Variants in RAD51C observed in about 807,000 individuals in gnomAD.
The protein encoded by RAD51C is RAD51 paralog C.
A neutral mutation model predicts 45.0 loss-of-function variants in RAD51C; 42 were observed. The ratio of observed to expected loss-of-function variants is 0.93; its 90% CI spans 0.73 to 1.21. The LOEUF is 1.21. RAD51C is among the 50% of genes most tolerant of loss of function. The pLI, the probability that RAD51C is intolerant of heterozygous loss-of-function variation, is 0.00. For synonymous variants in RAD51C, 172 were observed against 159.8 expected, an observed-to-expected ratio of 1.08 and a Z score of -0.58; for missense variants, 474 against 452.2, an observed-to-expected ratio of 1.05 and a Z score of -0.44.
chr17:58,704,959 G>A (rs958419676), intron 4 of RAD51C, among the ~76,000 whole-genome samples: 8 of 150,202 alleles, frequency 5.3e-5, no homozygotes, highest in Middle Eastern at 3.2e-3. Flanking sequence ...GCAAAACCCC[G>A]TCTCTACCTA....
chr17:58,702,077 C>A (rs980534965), intron 3 of RAD51C, among the ~76,000 whole-genome samples: 2 of 151,328 alleles, frequency 1.3e-5, no homozygotes, highest in Non-Finnish European at 2.9e-5. Flanking sequence ...CTTACTGCAG[C>A]CTTGACCTCC....
rs138886489 is a variant in RAD51C at position 58,729,218 on chromosome 17, T to G, written c.966-3266T>G. On this transcript the variant is annotated intron_variant, in intron 7 of 8. Coordinates refer to ENST00000337432, the MANE Select transcript of RAD51C (RefSeq NM_058216.3). Reference sequence around the variant, plus strand: ...AAATTTGAGGATGATTTTTTTGTTTTGTTTGGTTTTGTTTTTGAGATGGAG... The same window carrying G: ...AAATTTGAGGATGATTTTTTTGTTTGGTTTGGTTTTGTTTTTGAGATGGAG... Among the ~76,000 whole-genome samples the G allele has an allele frequency of 5.8e-3, 879 of 152,268 alleles. 5 individuals are homozygous for G. The highest frequency in any genetic ancestry group is 9.2e-3 in the African/African-American group (383 of 41,552).
intron 3 of RAD51C, among the ~76,000 whole-genome samples, chr17:58,702,537 AC>A (rs1375899053): frequency 6.6e-6 from 1 of 152,002 alleles, no homozygotes; most frequent in Admixed American, 6.6e-5. Context: ...TACTAAAAAT[AC>A]AAAAATTAGC....
At chr17:58,729,147 A>G (rs550803785) in intron 7 of RAD51C, among the ~76,000 whole-genome samples, 2 of 152,364 alleles carry the variant, frequency 1.3e-5, no homozygotes, top group South Asian at 4.1e-4. Context: ...TCATTTTAAA[A>G]GATCTCTGAA....
At chr17:58,692,904 G>T in intron 1 of RAD51C, 116 bp downstream of exon 1, 1 of 1,482,578 alleles carries the variant, frequency 6.7e-7, no homozygotes, top group Non-Finnish European at 9.3e-7. Context: ...TTCCTCCCAC[G>T]TCCATGTTTA....
At chr17:58,722,031 T>C (rs937684595) in intron 6 of RAD51C, among the ~76,000 whole-genome samples, 1 of 152,136 alleles carries the variant, frequency 6.6e-6, no homozygotes, top group Non-Finnish European at 1.5e-5. Flanking sequence ...TCAGGGGTAA[T>C]CAAACTCAGC....
intron 7 of RAD51C, among the ~76,000 whole-genome samples, chr17:58,729,852 T>C (rs1164180371): frequency 2.0e-5 from 3 of 152,054 alleles, no homozygotes; most frequent in African/African-American, 7.2e-5. Context: ...ATTATAGACA[T>C]GAGCCACTGT....
chr17:58,705,565 C>T (rs1223428424), intron 4 of RAD51C, among the ~76,000 whole-genome samples: 1 of 152,134 alleles, frequency 6.6e-6, no homozygotes, highest in Non-Finnish European at 1.5e-5. Context: ...ATCTCCTGAT[C>T]TTGTGATCCG....
At chr17:58,720,927 A>G in intron 6 of RAD51C, 115 bp downstream of exon 6, 1 of 866,288 alleles carries the variant, frequency 1.2e-6, no homozygotes. Context: ...TGTCTTGTTC[A>G]CTGGTTAATC....
intron 7 of RAD51C, among the ~76,000 whole-genome samples, chr17:58,730,634 GT>G: frequency 6.6e-6 from 1 of 152,208 alleles, no homozygotes; most frequent in East Asian, 1.9e-4. Context: ...AATTAAGAGA[GT>G]AACAGATCAT....
chr17:58,714,725 G>A (rs892321888), intron 5 of RAD51C, among the ~76,000 whole-genome samples: 1 of 152,188 alleles, frequency 6.6e-6, no homozygotes, highest in East Asian at 1.9e-4. Context: ...CCAAAGTGCT[G>A]GGATTATACG....
intron 3 of RAD51C, among the ~76,000 whole-genome samples, chr17:58,701,415 G>T (rs1459579317): frequency 1.3e-5 from 2 of 151,460 alleles, no homozygotes; most frequent in East Asian, 4.0e-4. Flanking sequence ...GGCTGAGGCA[G>T]GAGAATGGCA....
chr17:58,705,118 G>GAA (rs2048334811), intron 4 of RAD51C, among the ~76,000 whole-genome samples: 1 of 150,436 alleles, frequency 6.6e-6, no homozygotes, highest in African/African-American at 2.4e-5. Flanking sequence ...GAGACAGAGA[G>GAA]ACTCTGTCTC....
chr17:58,700,600 G>A (rs1031921009), intron 3 of RAD51C, among the ~76,000 whole-genome samples: 4 of 151,754 alleles, frequency 2.6e-5, no homozygotes, highest in Non-Finnish European at 5.9e-5. Context: ...CCGCCACCAC[G>A]CCTGGCTGAC....
In RAD51C at chr17:58,732,521, T is replaced by C; in HGVS notation, c.1003T>C (p.Cys335Arg). Reference protein sequence around the residue: ...TLYKSPSQKECTVLFQIKPQG... With the variant: ...TLYKSPSQKERTVLFQIKPQG... Reference sequence around the variant, plus strand: ...GTACAAGTCACCCAGCCAGAAGGAATGCACAGTACTGTTTCAAATCAAAGT... The same window carrying C: ...GTACAAGTCACCCAGCCAGAAGGAACGCACAGTACTGTTTCAAATCAAAGT... The change falls in exon 8 of 9, where the codon TGC becomes CGC. Residue 335 changes from cysteine (C) to arginine (R), a missense_variant. Transcript: ENST00000337432. 2 of 1,613,340 alleles carry C rather than the reference T, an allele frequency of 1.2e-6. No individual in the cohort carries two copies. Among genetic ancestry groups the C allele is most frequent in the Admixed American group, 1.7e-5 (1 of 60,006 alleles).
At chr17:58,721,829 T>A (rs2048928308) in intron 6 of RAD51C, among the ~76,000 whole-genome samples, 1 of 151,684 alleles carries the variant, frequency 6.6e-6, no homozygotes, top group Non-Finnish European at 1.5e-5. Flanking sequence ...TATAAACAGA[T>A]AATGTAGTAA....
chr17:58,710,019 A>G (rs761711731), intron 5 of RAD51C, 29 bp downstream of exon 5: 4 of 1,591,512 alleles, frequency 2.5e-6, no homozygotes, highest in South Asian at 1.1e-5. Flanking sequence ...AGAGAGTTTT[A>G]TAACAAAGTC....
In RAD51C at chr17:58,709,854, T is replaced by C. The variant is rs2143849856; in HGVS notation, c.706-5T>C. The C allele has an allele frequency of 6.2e-7, 1 of 1,602,430 alleles. No homozygotes were observed. Among genetic ancestry groups the C allele is most frequent in the Non-Finnish European group, 8.6e-7 (1 of 1,169,508 alleles). On this transcript the variant is annotated splice_region_variant and splice_polypyrimidine_tract_variant and intron_variant, in intron 4 of 8. Coordinates refer to ENST00000337432, the MANE Select transcript of RAD51C (RefSeq NM_058216.3). ...CAAATCTAATATTATCTCTTCTGTA[T>C]TTAGGTTCGACTAGTGATAGTGGAT...
In RAD51C at chr17:58,720,918, G is replaced by A. The variant is rs2048898651; in HGVS notation, c.904+106G>A. The stretch of plus-strand genomic sequence containing the variant: ...CGCTTCATGAAAGCAGACTGTATTT[G>A]TCTTGTTCACTGGTTAATCTTAGCA... On this transcript the variant is annotated intron_variant, in intron 6 of 8. Coordinates refer to ENST00000337432, the MANE Select transcript of RAD51C (RefSeq NM_058216.3). 1.4e-5 allele frequency: 13 copies of A among 932,028 alleles called. No homozygotes were observed. The South Asian group carries it at 1.5e-4, about 11-fold the overall frequency. 57.7% of individuals were successfully genotyped at this position (932,028 alleles called of 1,614,324 possible). A position where few individuals can be genotyped will look rare whatever the true frequency, so the allele number is the denominator to read the frequency against.
Sources: gnomAD v4.1 joint callset for allele counts (sites outside exome capture counted in the v4.1 genomes callset) on GRCh38, gnomAD v4.1.1 for gene constraint, MANE v1.5 for transcripts, NCBI Gene and HGNC (gene_info 2026-07-23, HGNC 2026-07-21) for gene names.